The following TNPO3 variants were observed in gnomAD, a reference collection of about 807,000 sequenced individuals.
TNPO3 encodes the protein transportin 3, also known as transportin-3.
A neutral mutation model predicts 122.8 loss-of-function variants in TNPO3; 65 were observed. The ratio of observed to expected loss-of-function variants is 0.53; its 90% CI spans 0.43 to 0.65. TNPO3 has a LOEUF of 0.65. Ranked by LOEUF, TNPO3 falls within the 30% of genes least tolerant of loss-of-function variation. TNPO3 has a pLI of 0.00. For synonymous variants in TNPO3, 372 were observed against 411.2 expected, an observed-to-expected ratio of 0.90 and a Z score of 1.15; for missense variants, 850 against 1,136.7, an observed-to-expected ratio of 0.75 and a Z score of 3.63.
At chr7:129,041,403 C>T (rs1807366319) in intron 1 of TNPO3, among the ~76,000 whole-genome samples, 4 of 152,122 alleles carry the variant, frequency 2.6e-5, no homozygotes, top group African/African-American at 7.2e-5. Context: ...GCTACTGAGT[C>T]ATAAAGAAAA....
intron 20 of TNPO3, among the ~76,000 whole-genome samples, chr7:128,969,114 G>A (rs930995267): frequency 4.6e-5 from 7 of 151,934 alleles, no homozygotes; most frequent in Admixed American, 2.6e-4. Context: ...GTTGTTGTTC[G>A]CACTTAACAA....
intron 21 of TNPO3, among the ~76,000 whole-genome samples, chr7:128,964,660 T>C (rs1797774842): frequency 6.6e-6 from 1 of 152,124 alleles, no homozygotes; most frequent in Non-Finnish European, 1.5e-5. Context: ...AAAGTGAACA[T>C]TGCAGGCCTC....
At chr7:128,991,586 G>A (rs539043636) in intron 10 of TNPO3, among the ~76,000 whole-genome samples, 86 of 152,236 alleles carry the variant, frequency 5.6e-4, no homozygotes, top group South Asian at 3.9e-3. Context: ...TTGCCTCTCT[G>A]AAACAATGTA....
chr7:128,957,165 C>T (rs1796981028), intron 22 of TNPO3, 59 bp downstream of exon 22: 5 of 1,458,552 alleles, frequency 3.4e-6, no homozygotes, highest in Non-Finnish European at 4.8e-6. Context: ...TATCCCCATT[C>T]CCAGGCATCC....
Position 128,955,350 on chromosome 7 carries a change from T to C in TNPO3, c.*67A>G. The C allele has an allele frequency of 2.2e-6, 1 of 456,564 alleles. No homozygotes were observed. Among genetic ancestry groups the C allele is most frequent in the Non-Finnish European group, 4.4e-6 (1 of 226,958 alleles). The allele number at this position is 456,564 out of a possible 1,614,324, so 28.3% of individuals were successfully genotyped here. A position where few individuals can be genotyped will look rare whatever the true frequency, so the allele number is the denominator to read the frequency against. On this transcript the variant is annotated 3_prime_UTR_variant, in exon 23 of 23. Coordinates refer to ENST00000265388, the MANE Select transcript of TNPO3 (RefSeq NM_012470.4). ...TGATTGTGGGACACAGTCTGGTTTT[T>C]GTTTTCTTCCTGTCTTCTAATTAAA...
chr7:129,033,242 C>T (rs1178039188), intron 1 of TNPO3, among the ~76,000 whole-genome samples: 1 of 152,166 alleles, frequency 6.6e-6, no homozygotes, highest in East Asian at 1.9e-4. Flanking sequence ...GCTTCATAAT[C>T]ATTGCAATTG....
In TNPO3 at chr7:128,959,880, G is replaced by C. The variant is rs546531165; in HGVS notation, c.2712-2565C>G. ...CACTAAAAAGACAAAAATTAGCCGT[G>C]TGTGGTGGTGGGCACCTGTGATCCC... On this transcript the variant is annotated intron_variant, in intron 21 of 22. Coordinates refer to ENST00000265388, the MANE Select transcript of TNPO3 (RefSeq NM_012470.4). Among the ~76,000 whole-genome samples, 488 of 152,246 alleles carry C rather than the reference G, an allele frequency of 3.2e-3. 1 individual carries two copies. The highest frequency in any genetic ancestry group is 0.011 in the African/African-American group (468 of 41,546).
At chr7:129,031,302 AAAAGAAAG>A (rs113746995) in intron 1 of TNPO3, among the ~76,000 whole-genome samples, 36 of 151,680 alleles carry the variant, frequency 2.4e-4, no homozygotes, top group Admixed American at 4.6e-4. Flanking sequence ...TCTATGTCAA[AAAAGAAAG>A]AAAGAAAGAA....
At chr7:128,994,709 A>C (rs1007416153) in intron 8 of TNPO3, among the ~76,000 whole-genome samples, 1 of 152,064 alleles carries the variant, frequency 6.6e-6, no homozygotes, top group Admixed American at 6.5e-5. Context: ...CCCAGGCTGG[A>C]GTGCAGTGAC....
Position 129,027,571 on chromosome 7 carries a change from AAAAAAAAAAAAAAAAAAAAAC to A in TNPO3, c.121-9435_121-9415del, listed in dbSNP as rs1445583353. The stretch of plus-strand genomic sequence containing the variant: ...GCAAGACTGTCTCAAAAAAAAAAAA[AAAAAAAAAAAAAAAAAAAAAC>A]AACACAAAAAATTCACTAAATACTC... On this transcript the variant is annotated intron_variant, in intron 1 of 22. Coordinates refer to ENST00000265388, the MANE Select transcript of TNPO3 (RefSeq NM_012470.4). Among the ~76,000 whole-genome samples the A allele has an allele frequency of 6.7e-5, 9 of 134,068 alleles. 1 individual carries two copies. Among genetic ancestry groups the A allele is most frequent in the Admixed American group, 6.3e-4 (8 of 12,740 alleles). The allele number at this position is 134,068 out of a possible 152,430, so 88.0% of individuals were successfully genotyped here.
intron 14 of TNPO3, among the ~76,000 whole-genome samples, chr7:128,980,274 G>T (rs1410258175): frequency 6.6e-6 from 1 of 152,202 alleles, no homozygotes; most frequent in Non-Finnish European, 1.5e-5. Context: ...TAGATGGGCT[G>T]TGAGGCACTA....
Position 128,957,218 on chromosome 7 carries a change from C to A in TNPO3, c.*31+6G>T. The A allele has an allele frequency of 6.2e-7, 1 of 1,613,224 alleles. No individual in the cohort carries two copies. Among genetic ancestry groups the A allele is most frequent in the Non-Finnish European group, 8.5e-7 (1 of 1,179,180 alleles). ...CGGACAAAAGCTGGGAACTATGTAT[C>A]CTCACCTGGGTGACAGGCACAGTGC... On this transcript the variant is annotated splice_donor_region_variant and intron_variant, in intron 22 of 22. Coordinates refer to ENST00000265388, the MANE Select transcript of TNPO3 (RefSeq NM_012470.4).
chr7:128,967,316 T>C lies in TNPO3; in HGVS notation c.2675A>G (p.His892Arg). The change falls in exon 21 of 23, where the codon CAC (histidine) becomes CGC (arginine). Residue 892 changes from histidine to arginine, a missense_variant. Physicochemically the swap from His to Arg is conservative, Grantham distance 29. Coordinates refer to ENST00000265388, the MANE Select transcript of TNPO3 (RefSeq NM_012470.4). ...CTTGTGGAAGTCTGTAAGTTGTTTG[T>C]GTGTCACTGTGACGGCTCCCACGGT... ...ETTVGAVTVT[H>R]KQLTDFHKQV... 2 of 1,614,018 alleles carry C rather than the reference T, an allele frequency of 1.2e-6. No homozygotes were observed. The highest frequency in any genetic ancestry group is 1.7e-6 in the Non-Finnish European group (2 of 1,179,852).
intron 1 of TNPO3, among the ~76,000 whole-genome samples, chr7:129,021,000 C>T (rs577863600): frequency 6.6e-6 from 1 of 152,110 alleles, no homozygotes; most frequent in African/African-American, 2.4e-5. Flanking sequence ...AGAGAAACAC[C>T]AAGAACCAAC....
intron 19 of TNPO3, 63 bp downstream of exon 19, chr7:128,972,363 G>A (rs1344578371): frequency 6.5e-7 from 1 of 1,529,658 alleles, no homozygotes; most frequent in African/African-American, 1.4e-5. Flanking sequence ...TTTCTCCTAA[G>A]GAATGACAAA....
chr7:129,042,527 T>C lies in TNPO3; in HGVS notation c.120+12124A>G, dbSNP rs146226837. Among the ~76,000 whole-genome samples, 430 of 152,284 alleles carry C rather than the reference T, an allele frequency of 2.8e-3. 4 individuals are homozygous for C. The highest frequency in any genetic ancestry group is 9.8e-3 in the African/African-American group (408 of 41,560). ...ACGGGTAAAGAAAGAACAAGTCTAA[T>C]TTACCTCAAACAGAAAAAGTAATTT... is the stretch of plus-strand genomic sequence containing the variant. On this transcript the variant is annotated intron_variant, in intron 1 of 22. Transcript: ENST00000265388.
chr7:129,052,360 C>T (rs1210884965), intron 1 of TNPO3, among the ~76,000 whole-genome samples: 1 of 152,226 alleles, frequency 6.6e-6, no homozygotes, highest in Non-Finnish European at 1.5e-5. Flanking sequence ...CAACTCCATA[C>T]TTTTCAAGTA....
At chr7:128,958,600 C>A (rs1797140475) in intron 21 of TNPO3, among the ~76,000 whole-genome samples, 1 of 152,164 alleles carries the variant, frequency 6.6e-6, no homozygotes, top group African/African-American at 2.4e-5. Flanking sequence ...TCTAAGCGAT[C>A]CAACAGAAAA....
chr7:128,968,221 C>T (rs1331480831), intron 20 of TNPO3, among the ~76,000 whole-genome samples: 1 of 152,204 alleles, frequency 6.6e-6, no homozygotes, highest in Non-Finnish European at 1.5e-5. Flanking sequence ...GGCCATCTCT[C>T]TCAGAATAAG....
Sources: allele counts gnomAD v4.1 joint callset (sites outside exome capture counted in the v4.1 genomes callset), GRCh38; gene constraint gnomAD v4.1.1; transcripts MANE v1.5; gene names NCBI Gene and HGNC (gene_info 2026-07-23, HGNC 2026-07-21).